IQSEC1: variants seen among roughly 807,000 people sequenced by gnomAD.
IQSEC1 encodes IQ motif and SEC7 domain-containing protein 1.
A neutral mutation model predicts 91.0 loss-of-function variants in IQSEC1; 31 were observed. That is an observed-to-expected ratio of 0.34 (90% CI 0.26 to 0.46). IQSEC1 has a LOEUF of 0.46. IQSEC1 is among the 20% of genes least tolerant of loss of function. The pLI is 1.00. For missense variants in IQSEC1, 1,388 were observed against 1,575.6 expected (o/e 0.88, Z 2.02); for synonymous variants, 699 against 662.6 (o/e 1.05, Z -0.84).
intron 1 of IQSEC1, among the ~76,000 whole-genome samples, chr3:13,030,422 T>A (rs1703801767): frequency 6.6e-6 from 1 of 152,194 alleles, no homozygotes; most frequent in African/African-American, 2.4e-5. Flanking sequence ...TATGGTGCAC[T>A]CTCTTTATGG....
chr3:13,029,058 T>C (rs1204497977), intron 1 of IQSEC1, among the ~76,000 whole-genome samples: 1 of 152,232 alleles, frequency 6.6e-6, no homozygotes, highest in Non-Finnish European at 1.5e-5. Flanking sequence ...GAGCTAACGC[T>C]GTGTGACTGT....
intron 1 of IQSEC1, among the ~76,000 whole-genome samples, chr3:13,230,805 A>C (rs1694827987): frequency 6.6e-6 from 1 of 152,240 alleles, no homozygotes; most frequent in African/African-American, 2.4e-5. Flanking sequence ...GAATAAGCTG[A>C]ACTAAGAAAG....
At chr3:13,038,700 G>T (rs1704138965) in intron 1 of IQSEC1, among the ~76,000 whole-genome samples, 1 of 152,114 alleles carries the variant, frequency 6.6e-6, no homozygotes, top group Non-Finnish European at 1.5e-5. Context: ...TGAGGGGATG[G>T]ATACCCTCAA....
Position 12,968,500 on chromosome 3 carries a change from A to G in IQSEC1, c.24-26635T>C, listed in dbSNP as rs546244698. 2.6e-5 allele frequency among the ~76,000 whole-genome samples: 4 copies of G among 152,296 alleles called. No individual in the cohort carries two copies. The South Asian group carries it at 8.3e-4, about 32-fold the overall frequency. On this transcript the variant is annotated intron_variant, in intron 1 of 13. Transcript: ENST00000613206. ...AGTAGGTGGAGTTACCCCTGGCCTC[A>G]TTTTACCAATGAGTAAACTGAGGCT... is the stretch of plus-strand genomic sequence containing the variant.
In IQSEC1 at chr3:12,972,364, ATCT is replaced by A. The variant is rs1232766214; in HGVS notation, c.24-30502_24-30500del. On this transcript the variant is annotated intron_variant, in intron 1 of 13. Transcript: ENST00000613206. ...ATCAAGGGACTGAAGGTCTTCTGAC[ATCT>A]TCTAGGAGGCTCTGAAGCCCACCAG... Among the ~76,000 whole-genome samples, 14 of 152,226 alleles carry A rather than the reference ATCT, an allele frequency of 9.2e-5. No individual in the cohort carries two copies. In the South Asian group the frequency reaches 2.3e-3, roughly 25 times the overall value.
intron 1 of IQSEC1, among the ~76,000 whole-genome samples, chr3:13,257,217 C>T (rs574217703): frequency 3.3e-5 from 5 of 152,238 alleles, no homozygotes; most frequent in Admixed American, 2.6e-4. Context: ...GGCCTCAGGA[C>T]GAACGTTTCC....
chr3:13,274,324 G>C (rs1031315676), intron 1 of IQSEC1, among the ~76,000 whole-genome samples: 3 of 152,254 alleles, frequency 2.0e-5, no homozygotes, highest in Non-Finnish European at 4.4e-5. Flanking sequence ...CGCAGGGCCA[G>C]CACTCCACAG....
At chr3:13,253,238 T>C (rs1695229091) in intron 1 of IQSEC1, among the ~76,000 whole-genome samples, 1 of 152,234 alleles carries the variant, frequency 6.6e-6, no homozygotes, top group East Asian at 1.9e-4. Context: ...AACATTTCAC[T>C]GAGGCAGAGA....
intron 2 of IQSEC1, among the ~76,000 whole-genome samples, chr3:13,122,346 C>T (rs982765815): frequency 2.3e-4 from 35 of 152,354 alleles, no homozygotes; most frequent in African/African-American, 6.7e-4. Context: ...GCCAGGGCCC[C>T]GAGTGCCCCT....
intron 1 of IQSEC1, among the ~76,000 whole-genome samples, chr3:13,206,615 A>T (rs1156725543): frequency 1.3e-5 from 2 of 152,204 alleles, no homozygotes; most frequent in East Asian, 3.8e-4. Context: ...GCAAATCATT[A>T]GCAAAACTTT....
At chr3:12,950,974 G>C (rs1372704428) in intron 1 of IQSEC1, among the ~76,000 whole-genome samples, 1 of 152,152 alleles carries the variant, frequency 6.6e-6, no homozygotes, top group Admixed American at 6.6e-5. Flanking sequence ...GCTGGGAGCA[G>C]TGTCTCTTGC....
At chr3:13,112,693 G>A (rs1373016382) in intron 2 of IQSEC1, among the ~76,000 whole-genome samples, 1 of 152,190 alleles carries the variant, frequency 6.6e-6, no homozygotes, top group Non-Finnish European at 1.5e-5. Flanking sequence ...GGGCCAGGGA[G>A]CTGCCTGCTG....
At chr3:13,220,241 G>C (rs1348074089) in intron 1 of IQSEC1, among the ~76,000 whole-genome samples, 3 of 152,250 alleles carry the variant, frequency 2.0e-5, no homozygotes, top group African/African-American at 7.2e-5. Context: ...CCTCCAAGGG[G>C]ACTGCGCCAC....
intron 12 of IQSEC1, among the ~76,000 whole-genome samples, chr3:12,904,313 T>C (rs1247272728): frequency 6.6e-6 from 1 of 152,118 alleles, no homozygotes; most frequent in Non-Finnish European, 1.5e-5. Flanking sequence ...GGGCTTTGGG[T>C]GGCTCTGGCT....
At chr3:13,059,670 G>A (rs940450174) in intron 1 of IQSEC1, among the ~76,000 whole-genome samples, 3 of 152,156 alleles carry the variant, frequency 2.0e-5, no homozygotes, top group Non-Finnish European at 2.9e-5. Flanking sequence ...AGGATCACCC[G>A]AGCCCAGGAG....
At chr3:12,954,540 G>A (rs1483372238) in intron 1 of IQSEC1, among the ~76,000 whole-genome samples, 1 of 152,196 alleles carries the variant, frequency 6.6e-6, no homozygotes, top group Non-Finnish European at 1.5e-5. Flanking sequence ...AGAGGGATTT[G>A]CAGGGACCAT....
Position 13,023,671 on chromosome 3 carries a change from C to T in IQSEC1, c.23+49321G>A, listed in dbSNP as rs144439175. On this transcript the variant is annotated intron_variant, in intron 1 of 13. Transcript: ENST00000613206. Reference sequence around the variant, plus strand: ...CAGAATGGGAAATCTGTCTCAGATTCCAGCCTGATTCCCACATCAAGGATT... The same window carrying T: ...CAGAATGGGAAATCTGTCTCAGATTTCAGCCTGATTCCCACATCAAGGATT... Among the ~76,000 whole-genome samples the T allele has an allele frequency of 9.3e-3, 1,412 of 152,326 alleles. 19 individuals are homozygous for T. Among genetic ancestry groups the T allele is most frequent in the Middle Eastern group, 0.017 (5 of 294 alleles).
At chr3:13,112,368 A>C (rs1278839008) in intron 2 of IQSEC1, among the ~76,000 whole-genome samples, 1 of 152,194 alleles carries the variant, frequency 6.6e-6, no homozygotes, top group African/African-American at 2.4e-5. Flanking sequence ...CCCTCTGAAA[A>C]GGGAGGCAAG....
intron 2 of IQSEC1, among the ~76,000 whole-genome samples, chr3:13,137,283 A>C (rs1706726615): frequency 6.6e-6 from 1 of 152,226 alleles, no homozygotes; most frequent in South Asian, 2.1e-4. Context: ...GGAATGACCC[A>C]AACACGCCCT....
Sources: gnomAD v4.1 joint callset for allele counts (sites outside exome capture counted in the v4.1 genomes callset) on GRCh38, gnomAD v4.1.1 for gene constraint, MANE v1.5 for transcripts, NCBI Gene and HGNC (gene_info 2026-07-23, HGNC 2026-07-21) for gene names.